SH2D7: variants seen among roughly 807,000 people sequenced by gnomAD.
SH2D7 encodes SH2 domain containing 7.
In SH2D7, 32 loss-of-function variants were observed where a neutral mutation model predicts 40.8. The ratio of observed to expected loss-of-function variants is 0.78; its 90% CI spans 0.59 to 1.05. The LOEUF is 1.05. Among genes scored for constraint, SH2D7 ranks in the 50% least tolerant of loss-of-function variants. The probability of loss-of-function intolerance (pLI) is 0.00; values close to 1 mark genes in which losing one functional copy is unlikely to be tolerated. For missense variants in SH2D7, 559 were observed against 566.6 expected, an observed-to-expected ratio of 0.99 and a Z score of 0.14; for synonymous variants, 195 against 221.5, an observed-to-expected ratio of 0.88 and a Z score of 1.06.
chr15:78,090,659 TC>T (rs2073935310), upstream of SH2D7, among the ~76,000 whole-genome samples: 1 of 151,102 alleles, frequency 6.6e-6, no homozygotes, highest in Admixed American at 6.6e-5. Flanking sequence ...ATCATCATCA[TC>T]ATCAAATTAA....
upstream of SH2D7, among the ~76,000 whole-genome samples, chr15:78,092,040 G>A (rs2073943277): frequency 6.6e-6 from 1 of 152,202 alleles, no homozygotes; most frequent in Non-Finnish European, 1.5e-5. Flanking sequence ...GTGCCATGAG[G>A]GCAAAGTGCT....
chr15:78,101,386 C>T lies in SH2D7; in HGVS notation c.1133C>T (p.Pro378Leu), dbSNP rs1278221922. ...GAAGGCAGCACCTATGAGCAGATCCCAGCTTGCTGGGGTGGCCCAGCCAGG... is the reference window on the plus strand; with the variant it reads ...GAAGGCAGCACCTATGAGCAGATCCTAGCTTGCTGGGGTGGCCCAGCCAGG... ...DQEGSTYEQI[P>L]ACWGGPARAP... is the part of the protein sequence containing the mutation. The change falls in exon 5 of 6, where the codon CCA (proline) becomes CTA (leucine). Residue 378 changes from proline to leucine, a missense_variant. Physicochemically the swap from Pro to Leu is moderately conservative, Grantham distance 98. Coordinates refer to ENST00000328828, the MANE Select transcript of SH2D7 (RefSeq NM_001101404.2). The T allele has an allele frequency of 6.2e-7, 1 of 1,613,566 alleles. No homozygotes were observed. The highest frequency in any genetic ancestry group is 1.7e-5 in the Admixed American group (1 of 59,974).
At chr15:78,102,253 CA>C (rs1387186871) in intron 5 of SH2D7, among the ~76,000 whole-genome samples, 1 of 151,914 alleles carries the variant, frequency 6.6e-6, no homozygotes, top group Non-Finnish European at 1.5e-5. Context: ...TTTAAAAAAA[CA>C]AACAAAAAAC....
chr15:78,099,045 G>A (rs866642807), intron 4 of SH2D7, among the ~76,000 whole-genome samples: 2 of 150,550 alleles, frequency 1.3e-5, no homozygotes, highest in South Asian at 2.1e-4. Context: ...ACAGAGTCTC[G>A]CTGCAATGCC....
rs1366807657 is a variant in SH2D7, at chr15:78,097,956, C to T, written c.294C>T (p.Val98=). 28 of 1,609,970 alleles carry T rather than the reference C, an allele frequency of 1.7e-5. No homozygotes were observed. The highest frequency in any genetic ancestry group is 2.0e-5 in the Non-Finnish European group (24 of 1,178,292). The change falls in exon 3 of 6, where the codon GTC becomes GTT. Residue 98 remains valine, a synonymous_variant. Coordinates refer to ENST00000328828, the MANE Select transcript of SH2D7 (RefSeq NM_001101404.2). ...GCAGTGATCGCTGCCGACATTTTGT[C>T]ATCAACCAGCTTCGAAACCGGCGTT... ...YRGSDRCRHF[V]INQLRNRRYI...
Position 78,101,083 on chromosome 15 carries a change from G to A in SH2D7, c.830G>A (p.Gly277Asp), listed in dbSNP as rs771082755. The change falls in exon 5 of 6, where the codon GGC (glycine) becomes GAC (aspartate). Residue 277 changes from glycine to aspartate, a missense_variant. Coordinates refer to ENST00000328828, the MANE Select transcript of SH2D7 (RefSeq NM_001101404.2). ...GCTGGCAGCCAGGCCTACTCCCCAG[G>A]CAGGGAGGCCCAAAGGAGACTCTCA... is the stretch of plus-strand genomic sequence containing the variant. Reference protein sequence around the residue: ...VPAGSQAYSPGREAQRRLSDG... With the variant: ...VPAGSQAYSPDREAQRRLSDG... 6 of 1,592,412 alleles carry A rather than the reference G, an allele frequency of 3.8e-6. No homozygotes were observed. The East Asian group carries it at 1.3e-4, about 36-fold the overall frequency.
At chr15:78,101,770 C>T (rs2074019279) in intron 5 of SH2D7, among the ~76,000 whole-genome samples, 1 of 152,120 alleles carries the variant, frequency 6.6e-6, no homozygotes, top group South Asian at 2.1e-4. Context: ...ATGGGGGCTT[C>T]CAGGCCCTTC....
Position 78,101,314 on chromosome 15 carries a change from T to G in SH2D7, c.1061T>G (p.Ile354Ser). The G allele has an allele frequency of 6.2e-7, 1 of 1,613,058 alleles. No homozygotes were observed. The highest frequency in any genetic ancestry group is 1.7e-4 in the Middle Eastern group (1 of 6,056). Residue 354 changes from isoleucine to serine, a missense_variant, in exon 5 of 6, where the codon ATC becomes AGC. Ile to Ser is a moderately radical substitution (Grantham distance 142, BLOSUM62 -2). Transcript: ENST00000328828. Reference protein sequence around the residue: ...QGSSADIYEFIGTEGLLQEAR... With the variant: ...QGSSADIYEFSGTEGLLQEAR... ...AGCTCTGCAGATATCTATGAGTTCA[T>G]CGGGACAGAAGGCCTCCTGCAAGAG...
At chr15:78,092,893 G>A (rs1005545349) in intron 1 of SH2D7, 133 bp downstream of exon 1, 27 of 1,205,210 alleles carry the variant, frequency 2.2e-5, no homozygotes, top group Non-Finnish European at 2.9e-5. Context: ...GAGGCGGGGG[G>A]CAGGGGAACA....
intron 4 of SH2D7, 40 bp from the exon 5 acceptor site, chr15:78,100,859 G>T (rs1478492741): frequency 6.3e-7 from 1 of 1,594,448 alleles, no homozygotes; most frequent in Admixed American, 1.8e-5. Flanking sequence ...TCTTAGTGAT[G>T]GGCTGCCCCT....
At chr15:78,095,640 T>G (rs1308454201) in intron 2 of SH2D7, among the ~76,000 whole-genome samples, 3 of 152,082 alleles carry the variant, frequency 2.0e-5, no homozygotes. Context: ...ATTAATTAAT[T>G]CTAGATGGAT....
intron 2 of SH2D7, among the ~76,000 whole-genome samples, chr15:78,096,869 C>A (rs550374113): frequency 6.6e-6 from 1 of 152,112 alleles, no homozygotes; most frequent in African/African-American, 2.4e-5. Context: ...ACCCTTGACC[C>A]ATCAACTCTA....
intron 2 of SH2D7, among the ~76,000 whole-genome samples, chr15:78,094,893 C>T (rs574064010): frequency 3.3e-5 from 5 of 152,176 alleles, no homozygotes; most frequent in African/African-American, 4.8e-5. Context: ...GACAAGGTAG[C>T]GAGGACAAAG....
Position 78,104,306 on chromosome 15 carries a change from A to G in SH2D7, c.*791A>G, listed in dbSNP as rs2074035263. ...CTCAGGTTGCATTTGTGGGAAATCTACTCTTAGTGACCACTTGGCTATGCA... is the reference window on the plus strand; with the variant it reads ...CTCAGGTTGCATTTGTGGGAAATCTGCTCTTAGTGACCACTTGGCTATGCA... On this transcript the variant is annotated 3_prime_UTR_variant, in exon 6 of 6. Coordinates refer to ENST00000328828, the MANE Select transcript of SH2D7 (RefSeq NM_001101404.2). This position sits in a 1 kb window ranked among gnomAD's most constrained non-coding sequence, Gnocchi z 4.4. 6.6e-6 allele frequency: 1 copy of G among 152,058 alleles called. No individual in the cohort carries two copies. The highest frequency in any genetic ancestry group is 2.1e-4 in the South Asian group (1 of 4,828). The allele number at this position is 152,058 out of a possible 1,614,324, so 9.4% of individuals were successfully genotyped here. A position where few individuals can be genotyped will look rare whatever the true frequency, so the allele number is the denominator to read the frequency against.
At chr15:78,090,878 AC>A (rs1390960132), upstream of SH2D7, among the ~76,000 whole-genome samples, 2 of 152,284 alleles carry the variant, frequency 1.3e-5, no homozygotes, top group East Asian at 3.9e-4. Flanking sequence ...AAATGCATGA[AC>A]CATGAATCTT....
In SH2D7 at chr15:78,098,529, C is replaced by G. The variant is rs2141872601; in HGVS notation, c.578C>G (p.Ser193Cys). 6.2e-7 allele frequency: 1 copy of G among 1,614,036 alleles called. No homozygotes were observed. The highest frequency in any genetic ancestry group is 2.2e-5 in the East Asian group (1 of 44,892). Residue 193 changes from serine to cysteine, a missense_variant, in exon 4 of 6, where the codon TCC becomes TGC. Physicochemically the swap from Ser to Cys is moderately radical, Grantham distance 112. Coordinates refer to ENST00000328828, the MANE Select transcript of SH2D7 (RefSeq NM_001101404.2). Reference protein sequence around the residue: ...SPRSSPKPQVSFLHAQKSLDV... With the variant: ...SPRSSPKPQVCFLHAQKSLDV... ...CGCTCTTCTCCAAAGCCCCAGGTCT[C>G]CTTCCTCCATGCACAGAAAAGCCTG...
intron 4 of SH2D7, among the ~76,000 whole-genome samples, chr15:78,099,232 G>A (rs1388961731): frequency 6.6e-6 from 1 of 152,084 alleles, no homozygotes; most frequent in Non-Finnish European, 1.5e-5. Context: ...GGCCAGGCTG[G>A]TCTTGAACTC....
chr15:78,092,189 T>C (rs1006937061), upstream of SH2D7, among the ~76,000 whole-genome samples: 11 of 152,228 alleles, frequency 7.2e-5, no homozygotes, highest in Admixed American at 5.2e-4. Context: ...GAAGGAAGGA[T>C]ACCTAGAATT....
chr15:78,099,259 C>T (rs1199545108), intron 4 of SH2D7, among the ~76,000 whole-genome samples: 1 of 151,984 alleles, frequency 6.6e-6, no homozygotes, highest in African/African-American at 2.4e-5. Context: ...TCAAGTGATC[C>T]GCCCGCCTTG....
Sources: allele counts gnomAD v4.1 joint callset (sites outside exome capture counted in the v4.1 genomes callset), GRCh38; gene constraint gnomAD v4.1.1; non-coding constraint Gnocchi (gnomAD v3.1); transcripts MANE v1.5; gene names NCBI Gene and HGNC (gene_info 2026-07-23, HGNC 2026-07-21).